LPIN1: variants seen among roughly 807,000 people sequenced by gnomAD.
LPIN1 encodes lipin 1.
In LPIN1, 71 loss-of-function variants were observed where a neutral mutation model predicts 107.5. That is an observed-to-expected ratio of 0.66 (90% confidence interval 0.55 to 0.80). The LOEUF (loss-of-function observed/expected upper bound fraction) is 0.80. Among genes scored for constraint, LPIN1 ranks in the 30% least tolerant of loss-of-function variants. The probability of loss-of-function intolerance (pLI) is 0.00; values close to 1 mark genes in which losing one functional copy is unlikely to be tolerated. For synonymous variants in LPIN1, 445 were observed against 452.6 expected (o/e 0.98, Z 0.21); for missense variants, 1,043 against 1,160.6 (o/e 0.90, Z 1.47).
intron 1 of LPIN1, among the ~76,000 whole-genome samples, chr2:11,692,212 C>T (rs115107005): frequency 1.3e-5 from 2 of 152,064 alleles, no homozygotes; most frequent in Non-Finnish European, 2.9e-5. Flanking sequence ...GTCCTTACTG[C>T]CCCAGGGATT....
chr2:11,772,270 TGGACCCCAGGGGTTGG>T (rs1161463744), intron 4 of LPIN1, among the ~76,000 whole-genome samples: 2 of 152,218 alleles, frequency 1.3e-5, no homozygotes, highest in Non-Finnish European at 2.9e-5. Context: ...AACAGGGGCA[TGGACCCCAGGGGTTGG>T]GGACCCCTAT....
intron 1 of LPIN1, among the ~76,000 whole-genome samples, chr2:11,754,772 C>T (rs1668404112): frequency 6.6e-6 from 1 of 152,214 alleles, no homozygotes; most frequent in Non-Finnish European, 1.5e-5. Flanking sequence ...CTCCCACACA[C>T]ATAGCTGGTA....
At chr2:11,733,970 CAGCT>C (rs748166522) in intron 1 of LPIN1, among the ~76,000 whole-genome samples, 1 of 152,248 alleles carries the variant, frequency 6.6e-6, no homozygotes, top group Non-Finnish European at 1.5e-5. Context: ...CAAAGTCACA[CAGCT>C]AGTAAGGGGC....
chr2:11,815,016 G>T lies in LPIN1; in HGVS notation c.2250-72G>T. ...TGCCATTCTCCACAGAACAGATATGGATCAGGATTTATGAATGCAGAAAGG... is the reference window on the plus strand; with the variant it reads ...TGCCATTCTCCACAGAACAGATATGTATCAGGATTTATGAATGCAGAAAGG... On this transcript the variant is annotated intron_variant, in intron 17 of 20. Coordinates refer to ENST00000674199, the MANE Select transcript of LPIN1 (RefSeq NM_001349206.2). 3 of 1,401,344 alleles carry T rather than the reference G, an allele frequency of 2.1e-6. No individual in the cohort carries two copies. The South Asian group carries it at 3.5e-5, about 16-fold the overall frequency. The allele number at this position is 1,401,344 out of a possible 1,614,324, so 86.8% of individuals were successfully genotyped here.
At chr2:11,784,375 G>C in intron 9 of LPIN1, 2 of 1,121,782 alleles carry the variant, frequency 1.8e-6, no homozygotes, top group African/African-American at 3.3e-5. Context: ...AAATGCGCCT[G>C]CTCTATGGAC....
rs367713857 is a variant in LPIN1 at position 11,699,872 on chromosome 2, G to A, written c.82-13884G>A. Among the ~76,000 whole-genome samples the A allele has an allele frequency of 1.7e-4, 26 of 152,220 alleles. 1 individual carries two copies. In the South Asian group the frequency reaches 4.8e-3, roughly 28 times the overall value. On this transcript the variant is annotated intron_variant, in intron 1 of 21. Coordinates refer to the LPIN1 transcript ENST00000449576. The stretch of plus-strand genomic sequence containing the variant: ...GGGAGGGAGAGGAGCCGGTTGGCTG[G>A]ACAAACGGTAAGCTGTGTGGCTTTG...
intron 1 of LPIN1, among the ~76,000 whole-genome samples, chr2:11,748,707 G>A (rs575035991): frequency 2.6e-5 from 4 of 152,130 alleles, no homozygotes; most frequent in African/African-American, 7.2e-5. Context: ...TGGCTTTTCC[G>A]GACCATCTGT....
intron 17 of LPIN1, among the ~76,000 whole-genome samples, chr2:11,811,310 G>T (rs1327898777): frequency 6.6e-6 from 1 of 152,222 alleles, no homozygotes; most frequent in Non-Finnish European, 1.5e-5. Flanking sequence ...TGAGTGAGGG[G>T]TCTTCCCTGT....
intron 7 of LPIN1, among the ~76,000 whole-genome samples, chr2:11,781,717 C>T (rs1319485389): frequency 1.3e-5 from 2 of 152,100 alleles, no homozygotes; most frequent in Non-Finnish European, 2.9e-5. Flanking sequence ...GCAGCGTGCA[C>T]CCAGACCGAG....
intron 1 of LPIN1, chr2:11,677,767 C>G (rs1661504854): frequency 1.3e-6 from 2 of 1,484,346 alleles, no homozygotes; most frequent in Non-Finnish European, 1.8e-6. Context: ...AACACAGCCC[C>G]TGCTCTTCCT....
chr2:11,701,750 T>A (rs1183720313), intron 1 of LPIN1, among the ~76,000 whole-genome samples: 4 of 152,170 alleles, frequency 2.6e-5, no homozygotes, highest in Non-Finnish European at 5.9e-5. Flanking sequence ...TAGTGCCTAG[T>A]GGGCCTAGGA....
At chr2:11,752,449 T>TTTTTA (rs3035995) in intron 1 of LPIN1, among the ~76,000 whole-genome samples, 1 of 103,286 alleles carries the variant, frequency 9.7e-6, no homozygotes, top group African/African-American at 5.4e-5. Context: ...TTTTTTTTTT[T>TTTTTA]GAGACGGAGT....
At position 11,707,018 on chromosome 2, in the gene LPIN1, A is replaced by G. The variant is rs1252243765; in HGVS notation, c.82-6738A>G. Among the ~76,000 whole-genome samples the G allele has an allele frequency of 6.6e-6, 1 of 152,238 alleles. No individual in the cohort carries two copies. Among genetic ancestry groups the G allele is most frequent in the Non-Finnish European group, 1.5e-5 (1 of 68,042 alleles). On this transcript the variant is annotated intron_variant, in intron 1 of 21. Coordinates refer to the LPIN1 transcript ENST00000449576. This position sits in a 1 kb window ranked among gnomAD's most constrained non-coding sequence, Gnocchi z 4.2. Reference sequence around the variant, plus strand: ...AAAGTGGAAATAGCTTTGGTGAAAGAGCATGGGTACTGACTAAACGTTACC... The same window carrying G: ...AAAGTGGAAATAGCTTTGGTGAAAGGGCATGGGTACTGACTAAACGTTACC...
chr2:11,783,517 G>A (rs1234171071), intron 8 of LPIN1, among the ~76,000 whole-genome samples: 1 of 152,140 alleles, frequency 6.6e-6, no homozygotes, highest in Non-Finnish European at 1.5e-5. Context: ...GGCCTCCAGC[G>A]AGGGGCCTCG....
intron 1 of LPIN1, among the ~76,000 whole-genome samples, chr2:11,684,837 A>C (rs1028825383): frequency 3.3e-5 from 5 of 152,040 alleles, no homozygotes; most frequent in African/African-American, 9.7e-5. Context: ...AAATTGTAAA[A>C]GATTATTGTC....
intron 1 of LPIN1, among the ~76,000 whole-genome samples, chr2:11,711,787 C>T (rs1663429494): frequency 6.6e-6 from 1 of 152,168 alleles, no homozygotes; most frequent in East Asian, 1.9e-4. Context: ...ACTTCTCTGC[C>T]TCGAATCCAT....
At chr2:11,796,190 CAG>C in intron 14 of LPIN1, among the ~76,000 whole-genome samples, 1 of 152,228 alleles carries the variant, frequency 6.6e-6, no homozygotes, top group Middle Eastern at 3.2e-3. Flanking sequence ...ATTTAGCAGA[CAG>C]AAAGTGCTAA....
At chr2:11,689,589 T>C (rs1043283140) in intron 1 of LPIN1, among the ~76,000 whole-genome samples, 7 of 152,230 alleles carry the variant, frequency 4.6e-5, no homozygotes, top group African/African-American at 1.7e-4. Flanking sequence ...TATATTCTTT[T>C]AGTGGTTCTC....
In LPIN1 at chr2:11,805,126, G is replaced by T. The variant is rs369135035; in HGVS notation, c.2219G>T (p.Gly740Val). ...CTTGGGAAGGATTGGACCCATCAGG[G>T]CATCGCTAAGCTGTACCATAAAGTG... Reference protein sequence around the residue: ...PTLGKDWTHQGIAKLYHKVSQ... With the variant: ...PTLGKDWTHQVIAKLYHKVSQ... Residue 740 changes from glycine (G) to valine (V), a missense_variant, in exon 17 of 21, where the codon GGC becomes GTC. Gly to Val is a moderately radical substitution (Grantham distance 109). Transcript: ENST00000674199. The T allele has an allele frequency of 1.2e-6, 2 of 1,613,872 alleles. No individual in the cohort carries two copies. Among genetic ancestry groups the T allele is most frequent in the East Asian group, 2.2e-5 (1 of 44,896 alleles).
Sources: gnomAD v4.1 joint callset for allele counts (sites outside exome capture counted in the v4.1 genomes callset) on GRCh38, gnomAD v4.1.1 for gene constraint, Gnocchi (gnomAD v3.1) non-coding constraint, MANE v1.5 for transcripts, NCBI Gene and HGNC (gene_info 2026-07-23, HGNC 2026-07-21) for gene names.